SDK1: variants seen among roughly 807,000 people sequenced by gnomAD.
SDK1 encodes protein sidekick-1.
A neutral mutation model predicts 245.5 loss-of-function variants in SDK1; 157 were observed. The ratio of observed to expected loss-of-function variants is 0.64; its 90% CI spans 0.56 to 0.73. The LOEUF is 0.73. SDK1 is among the 30% of genes least tolerant of loss of function. SDK1 has a pLI of 0.00. For missense variants in SDK1, 3,583 were observed against 3,002.3 expected, an observed-to-expected ratio of 1.19 and a Z score of -4.52; for synonymous variants, 1,647 against 1,278.5, an observed-to-expected ratio of 1.29 and a Z score of -6.15.
intron 5 of SDK1, among the ~76,000 whole-genome samples, chr7:3,917,539 C>T (rs746819273): frequency 3.3e-5 from 5 of 152,120 alleles, no homozygotes; most frequent in Non-Finnish European, 5.9e-5. Context: ...GCAGGTAAAA[C>T]GGACTCTGAG....
chr7:3,706,047 C>T (rs1470955709), intron 4 of SDK1, among the ~76,000 whole-genome samples: 1 of 152,034 alleles, frequency 6.6e-6, no homozygotes, highest in Non-Finnish European at 1.5e-5. Flanking sequence ...GTTTTTAATT[C>T]TTTTTATGTG....
chr7:4,268,659 AC>A lies in SDK1; in HGVS notation c.*3276del, dbSNP rs1562500615. On this transcript the variant is annotated 3_prime_UTR_variant, in exon 45 of 45. Coordinates refer to ENST00000404826, the MANE Select transcript of SDK1 (RefSeq NM_152744.4). ...GTTCGTAGCATGGTTTTTATTTCTTACGCATTCTTGGCACACAGTGTAGCTA... is the reference window on the plus strand; with the variant it reads ...GTTCGTAGCATGGTTTTTATTTCTTAGCATTCTTGGCACACAGTGTAGCTA... 7.3e-7 allele frequency: 1 copy of A among 1,367,670 alleles called. No individual in the cohort carries two copies. The highest frequency in any genetic ancestry group is 9.8e-7 in the Non-Finnish European group (1 of 1,021,922). The allele number at this position is 1,367,670 out of a possible 1,614,324, so 84.7% of individuals were successfully genotyped here. A position where few individuals can be genotyped will look rare whatever the true frequency, so the allele number is the denominator to read the frequency against.
intron 5 of SDK1, among the ~76,000 whole-genome samples, chr7:3,875,362 T>G (rs1305809495): frequency 6.6e-6 from 1 of 152,250 alleles, no homozygotes; most frequent in East Asian, 1.9e-4. Context: ...TGTAGCCAGT[T>G]TCTGCCACTT....
intron 1 of SDK1, among the ~76,000 whole-genome samples, chr7:3,584,376 C>T (rs1260137512): frequency 6.6e-6 from 1 of 152,152 alleles, no homozygotes; most frequent in Non-Finnish European, 1.5e-5. Context: ...CCTTCAAGCC[C>T]CACATGACCC....
chr7:3,305,432 T>C (rs1779391838), intron 1 of SDK1, among the ~76,000 whole-genome samples: 1 of 152,228 alleles, frequency 6.6e-6, no homozygotes, highest in South Asian at 2.1e-4. Flanking sequence ...GTCACTTTTC[T>C]CAGGCCAATT....
intron 24 of SDK1, among the ~76,000 whole-genome samples, 162 bp from the exon 25 acceptor site, chr7:4,113,875 A>G (rs902257972): frequency 3.9e-5 from 6 of 152,272 alleles, no homozygotes; most frequent in African/African-American, 1.4e-4. Context: ...AATTCACAGA[A>G]CAAAAGTTTC....
chr7:3,792,599 C>G (rs1778837398), intron 4 of SDK1, among the ~76,000 whole-genome samples: 2 of 111,100 alleles, frequency 1.8e-5, no homozygotes, highest in African/African-American at 7.2e-5. Context: ...ATTGCCTTCT[C>G]TCCCTTTCTC....
intron 35 of SDK1, among the ~76,000 whole-genome samples, chr7:4,181,088 G>T (rs79887574): frequency 0.21 from 31,657 of 152,160 alleles, 3,526 homozygotes; most frequent in Middle Eastern, 0.38. Context: ...CCATACCTAT[G>T]AAGCAGGCCC....
At chr7:3,798,278 C>T (rs1039853946) in intron 4 of SDK1, among the ~76,000 whole-genome samples, 9 of 138,384 alleles carry the variant, frequency 6.5e-5, no homozygotes, top group African/African-American at 1.4e-4. Context: ...AGTGCAGTGG[C>T]GCGATCTCAG....
At chr7:3,873,194 A>G (rs2079378) in intron 5 of SDK1, among the ~76,000 whole-genome samples, 42,815 of 151,946 alleles carry the variant, frequency 0.28, 7,247 homozygotes, top group African/African-American at 0.48. Flanking sequence ...CTTCACTTTT[A>G]GAGGATATTT....
At chr7:3,947,395 T>C (rs896266734) in intron 5 of SDK1, among the ~76,000 whole-genome samples, 4 of 152,208 alleles carry the variant, frequency 2.6e-5, no homozygotes, top group African/African-American at 9.6e-5. Flanking sequence ...GAAATAAATA[T>C]ACACTGTTTA....
intron 1 of SDK1, among the ~76,000 whole-genome samples, chr7:3,321,391 T>G (rs12537549): frequency 0.61 from 92,202 of 151,932 alleles, 28,858 homozygotes; most frequent in African/African-American, 0.78. Flanking sequence ...GCGAACTTTG[T>G]CCTGTTGTAC....
chr7:3,866,103 C>G (rs946112708), intron 5 of SDK1, among the ~76,000 whole-genome samples: 1 of 152,182 alleles, frequency 6.6e-6, no homozygotes, highest in African/African-American at 2.4e-5. Flanking sequence ...GACTTTTTAG[C>G]TATTTTAGAA....
chr7:3,937,725 C>A (rs971576823), intron 5 of SDK1, among the ~76,000 whole-genome samples: 1 of 152,248 alleles, frequency 6.6e-6, no homozygotes, highest in Admixed American at 6.5e-5. Flanking sequence ...CCTGCCCGCG[C>A]GTCCTGCAGG....
intron 1 of SDK1, among the ~76,000 whole-genome samples, chr7:3,350,057 A>G (rs1054056155): frequency 6.6e-6 from 1 of 152,190 alleles, no homozygotes; most frequent in African/African-American, 2.4e-5. Context: ...AATGTAGCCC[A>G]ATAACAAAAG....
chr7:3,909,615 G>T (rs1261315803), intron 5 of SDK1, among the ~76,000 whole-genome samples: 3 of 152,218 alleles, frequency 2.0e-5, no homozygotes, highest in African/African-American at 7.2e-5. Context: ...CATCACATGT[G>T]TGTCCGTGGA....
At chr7:3,854,357 T>C (rs533742302) in intron 5 of SDK1, among the ~76,000 whole-genome samples, 1 of 152,320 alleles carries the variant, frequency 6.6e-6, no homozygotes, top group African/African-American at 2.4e-5. Context: ...ACATACCTTA[T>C]AGAGTATGTG....
chr7:4,039,085 A>G (rs1036543777), intron 17 of SDK1, among the ~76,000 whole-genome samples: 2 of 148,168 alleles, frequency 1.3e-5, no homozygotes, highest in Non-Finnish European at 3.0e-5. Flanking sequence ...TCTCACTCAT[A>G]GGTGGGAATT....
intron 5 of SDK1, among the ~76,000 whole-genome samples, chr7:3,946,056 A>G (rs1337380157): frequency 6.6e-6 from 1 of 152,002 alleles, no homozygotes; most frequent in East Asian, 1.9e-4. Context: ...AAAGAAAAAC[A>G]CAGAAAACAG....
Sources: allele counts gnomAD v4.1 joint callset (sites outside exome capture counted in the v4.1 genomes callset), GRCh38; gene constraint gnomAD v4.1.1; transcripts MANE v1.5; gene names NCBI Gene and HGNC (gene_info 2026-07-23, HGNC 2026-07-21).